Variants in DYNC1I1 observed in about 807,000 individuals in gnomAD.
DYNC1I1 encodes dynein cytoplasmic 1 intermediate chain 1.
A neutral mutation model predicts 86.6 loss-of-function variants in DYNC1I1; 43 were observed. That is an observed-to-expected ratio of 0.50 (90% confidence interval 0.39 to 0.64). The LOEUF (loss-of-function observed/expected upper bound fraction) is 0.64. DYNC1I1 is among the 30% of genes least tolerant of loss of function. DYNC1I1 has a pLI of 0.00. For missense variants in DYNC1I1, 604 were observed against 788.8 expected, an observed-to-expected ratio of 0.77 and a Z score of 2.81; for synonymous variants, 262 against 283.7, an observed-to-expected ratio of 0.92 and a Z score of 0.77.
chr7:96,054,384 C>T (rs922741731), intron 14 of DYNC1I1, among the ~76,000 whole-genome samples: 1 of 152,260 alleles, frequency 6.6e-6, no homozygotes. Flanking sequence ...TACAGTCTAT[C>T]GTTGATGGGC....
intron 1 of DYNC1I1, among the ~76,000 whole-genome samples, chr7:95,802,403 T>G (rs1053221527): frequency 6.6e-6 from 1 of 152,138 alleles, no homozygotes; most frequent in Non-Finnish European, 1.5e-5. Context: ...CCCGTACAGG[T>G]ACAGTTGAAT....
chr7:96,027,302 T>C (rs1024879467), intron 10 of DYNC1I1, among the ~76,000 whole-genome samples: 3 of 152,208 alleles, frequency 2.0e-5, no homozygotes, highest in Non-Finnish European at 4.4e-5. Context: ...AAACAATTAC[T>C]TTAGCTTATA....
At chr7:95,890,390 A>T (rs1227431871) in intron 6 of DYNC1I1, among the ~76,000 whole-genome samples, 4 of 152,136 alleles carry the variant, frequency 2.6e-5, no homozygotes, top group Non-Finnish European at 5.9e-5. Context: ...GAACACATGG[A>T]CACATAGAGG....
chr7:95,837,560 CCCCAGCCT>C (rs1331674965), intron 5 of DYNC1I1: 466 of 154,954 alleles, frequency 3.0e-3, no homozygotes, highest in Non-Finnish European at 5.0e-3. Flanking sequence ...GGCGCCCCTC[CCCCAGCCT>C]CGCTGCCACC....
At chr7:96,087,860 T>C (rs571350902) in intron 16 of DYNC1I1, among the ~76,000 whole-genome samples, 15 of 152,224 alleles carry the variant, frequency 9.9e-5, no homozygotes, top group Admixed American at 2.0e-4. Flanking sequence ...AATATAATTA[T>C]GTAAAATAAG....
intron 6 of DYNC1I1, among the ~76,000 whole-genome samples, chr7:95,887,005 C>G (rs1337660308): frequency 6.6e-6 from 1 of 152,188 alleles, no homozygotes. Context: ...TCACCCCTGC[C>G]TAAAAACTTT....
intron 6 of DYNC1I1, among the ~76,000 whole-genome samples, chr7:95,965,719 T>A (rs1225295577): frequency 6.6e-6 from 1 of 152,082 alleles, no homozygotes; most frequent in African/African-American, 2.4e-5. Context: ...AAAGGGATTA[T>A]CAAGAAAAAA....
chr7:96,071,106 TTTA>T (rs1790145930), intron 14 of DYNC1I1, among the ~76,000 whole-genome samples: 3 of 152,182 alleles, frequency 2.0e-5, no homozygotes, highest in African/African-American at 7.2e-5. Context: ...AAATAAGAAG[TTTA>T]TTATTACTTC....
rs145171838 is a variant in DYNC1I1, at chr7:96,026,395, A to G, written c.970-1780A>G. 2.2e-3 allele frequency among the ~76,000 whole-genome samples: 333 copies of G among 151,604 alleles called. 2 individuals are homozygous for G. The highest frequency in any genetic ancestry group is 7.5e-3 in the African/African-American group (310 of 41,334). ...GTTTTATTTTTTTTAATAGATGTTT[A>G]GTTTACTAGTCAAAAAGAGGTCATA... On this transcript the variant is annotated intron_variant, in intron 10 of 16. Transcript: ENST00000447467.
chr7:95,852,780 A>G (rs1789615596), intron 5 of DYNC1I1, among the ~76,000 whole-genome samples: 1 of 152,194 alleles, frequency 6.6e-6, no homozygotes, highest in Non-Finnish European at 1.5e-5. Flanking sequence ...TGCTGGGATT[A>G]CAGGCGTGAG....
intron 1 of DYNC1I1, among the ~76,000 whole-genome samples, chr7:95,792,485 G>A (rs1794329849): frequency 6.6e-6 from 1 of 152,126 alleles, no homozygotes; most frequent in Non-Finnish European, 1.5e-5. Context: ...GAATGAAGAG[G>A]CCAGGCTATG....
chr7:96,063,000 A>G (rs1789829612), intron 14 of DYNC1I1, among the ~76,000 whole-genome samples: 1 of 152,098 alleles, frequency 6.6e-6, no homozygotes, highest in Admixed American at 6.5e-5. Context: ...CGGTGGTATC[A>G]GGAACATCAC....
At chr7:95,795,499 A>C (rs772146401) in intron 1 of DYNC1I1, among the ~76,000 whole-genome samples, 2 of 152,216 alleles carry the variant, frequency 1.3e-5, no homozygotes, top group Non-Finnish European at 2.9e-5. Flanking sequence ...ATGCCCATTA[A>C]TGGTAGACTG....
chr7:95,979,018 A>T (rs553445588), intron 7 of DYNC1I1, among the ~76,000 whole-genome samples: 1 of 152,024 alleles, frequency 6.6e-6, no homozygotes, highest in African/African-American at 2.4e-5. Context: ...CTGGTCTCGA[A>T]CTCCTGACCT....
At chr7:95,790,152 A>G (rs943808712) in intron 1 of DYNC1I1, among the ~76,000 whole-genome samples, 2 of 152,180 alleles carry the variant, frequency 1.3e-5, no homozygotes, top group African/African-American at 4.8e-5. Flanking sequence ...GGCATAGCCA[A>G]CTTTTGGCTA....
chr7:95,953,223 T>A (rs1466941932), intron 6 of DYNC1I1, among the ~76,000 whole-genome samples: 1 of 151,622 alleles, frequency 6.6e-6, no homozygotes, highest in African/African-American at 2.4e-5. Context: ...GCAGTTTTTA[T>A]AAGCAACTGT....
intron 10 of DYNC1I1, among the ~76,000 whole-genome samples, chr7:96,020,889 C>T (rs1794529506): frequency 6.6e-6 from 1 of 152,046 alleles, no homozygotes; most frequent in Non-Finnish European, 1.5e-5. Context: ...AATAGCCAAT[C>T]ACAAAAGGAT....
chr7:95,986,683 G>A (rs2115697808), intron 8 of DYNC1I1, among the ~76,000 whole-genome samples: 1 of 152,068 alleles, frequency 6.6e-6, no homozygotes, highest in Non-Finnish European at 1.5e-5. Flanking sequence ...AGAATCCTCT[G>A]GTGTGCTGTG....
rs1346274331 is a variant in DYNC1I1, at chr7:96,035,675, T to C, written c.1287T>C (p.Ala429=). ...AGCCTGTCGCTGTTACCGGAATGGC[T>C]TTCCCAACGGGAGACGTCAATAACT... ...KSKPVAVTGM[A]FPTGDVNNFV... The change falls in exon 13 of 17, where the codon GCT becomes GCC. Residue 429 remains alanine, a synonymous_variant. Transcript: ENST00000447467. 6.2e-7 allele frequency: 1 copy of C among 1,611,750 alleles called. No homozygotes were observed. Among genetic ancestry groups the C allele is most frequent in the Non-Finnish European group, 8.5e-7 (1 of 1,178,956 alleles).
Sources: allele counts gnomAD v4.1 joint callset (sites outside exome capture counted in the v4.1 genomes callset), GRCh38; gene constraint gnomAD v4.1.1; transcripts MANE v1.5; gene names NCBI Gene and HGNC (gene_info 2026-07-23, HGNC 2026-07-21).